Variants in SYCP1 observed in about 807,000 individuals in gnomAD.
SYCP1 encodes cancer/testis antigen 8.
In SYCP1, 64 loss-of-function variants were observed where a neutral mutation model predicts 153.1. That is an observed-to-expected ratio of 0.42 (90% CI 0.34 to 0.51). The LOEUF is 0.51. Among genes scored for constraint, SYCP1 ranks in the 20% least tolerant of loss-of-function variants. The probability of loss-of-function intolerance (pLI) is 0.06; values close to 1 mark genes in which losing one functional copy is unlikely to be tolerated. For synonymous variants in SYCP1, 384 were observed against 341.8 expected (o/e 1.12, Z -1.36); for missense variants, 997 against 1,049.0 (o/e 0.95, Z 0.68).
At chr1:114,973,089 G>C (rs1672593209) in intron 27 of SYCP1, among the ~76,000 whole-genome samples, 1 of 151,976 alleles carries the variant, frequency 6.6e-6, no homozygotes, top group African/African-American at 2.4e-5. Context: ...CTCTTGTTAT[G>C]TCACTTGCAC....
intron 25 of SYCP1, 24 bp downstream of exon 25, chr1:114,945,006 T>C (rs1276716360): frequency 1.4e-6 from 2 of 1,452,376 alleles, no homozygotes; most frequent in Admixed American, 2.3e-5. Context: ...TCTTATATAA[T>C]GAAAATTATT....
intron 16 of SYCP1, among the ~76,000 whole-genome samples, chr1:114,904,408 G>A (rs184282422): frequency 1.1e-4 from 16 of 152,098 alleles, no homozygotes; most frequent in Admixed American, 3.9e-4. Context: ...GAGCCACCTC[G>A]CCCCGCCTAG....
chr1:114,871,644 C>T (rs796481800), intron 8 of SYCP1, among the ~76,000 whole-genome samples: 44 of 152,236 alleles, frequency 2.9e-4, no homozygotes, highest in African/African-American at 1.0e-3. Context: ...ATGATCCTGG[C>T]TCACTGCAAC....
At chr1:114,943,739 C>T (rs1670525373) in intron 23 of SYCP1, among the ~76,000 whole-genome samples, 1 of 151,710 alleles carries the variant, frequency 6.6e-6, no homozygotes, top group African/African-American at 2.4e-5. Flanking sequence ...CAGTCTGATT[C>T]ATCATTATAT....
At chr1:114,985,856 T>TCTGTA (rs1018455151) in intron 30 of SYCP1, among the ~76,000 whole-genome samples, 3 of 151,444 alleles carry the variant, frequency 2.0e-5, no homozygotes, top group African/African-American at 7.3e-5. Flanking sequence ...CAGTTGGCCT[T>TCTGTA]CTGTATTCAC....
At position 114,895,462 on chromosome 1, in the gene SYCP1, C is replaced by A; in HGVS notation, c.1273C>A (p.Leu425Ile). The change falls in exon 16 of 32, where the codon CTT becomes ATT. Residue 425 changes from leucine to isoleucine, a missense_variant. Transcript: ENST00000369522. ...KSSELEEMTK[L>I]TNNKEVELEE... is the part of the protein sequence containing the mutation. ...GCTCATTTTAGAAGAGATGACTAAG[C>A]TTACAAATAACAAAGAAGTAGAACT... The A allele has an allele frequency of 1.3e-6, 2 of 1,527,248 alleles. No individual in the cohort carries two copies. Among genetic ancestry groups the A allele is most frequent in the South Asian group, 2.4e-5 (2 of 82,508 alleles). The allele number at this position is 1,527,248 out of a possible 1,614,324, so 94.6% of individuals were successfully genotyped here. A position where few individuals can be genotyped will look rare whatever the true frequency, so the allele number is the denominator to read the frequency against.
At chr1:114,962,063 C>T (rs1406679130) in intron 27 of SYCP1, among the ~76,000 whole-genome samples, 2 of 149,146 alleles carry the variant, frequency 1.3e-5, no homozygotes, top group African/African-American at 2.5e-5. Context: ...CTAAAACCTT[C>T]GCCTCCCAGG....
intron 23 of SYCP1, among the ~76,000 whole-genome samples, chr1:114,937,930 C>T (rs1249535820): frequency 6.6e-6 from 1 of 152,106 alleles, no homozygotes; most frequent in African/African-American, 2.4e-5. Flanking sequence ...GAAATAGGAA[C>T]ACTTTTACAC....
chr1:114,909,015 T>G (rs1668006741), intron 16 of SYCP1, among the ~76,000 whole-genome samples: 1 of 152,208 alleles, frequency 6.6e-6, no homozygotes, highest in Non-Finnish European at 1.5e-5. Flanking sequence ...AAAAATAAAC[T>G]TTATCTCACC....
intron 20 of SYCP1, among the ~76,000 whole-genome samples, chr1:114,921,729 C>G (rs1243000583): frequency 6.6e-6 from 1 of 151,782 alleles, no homozygotes; most frequent in Non-Finnish European, 1.5e-5. Flanking sequence ...TTACTGTTAC[C>G]AGTGAGTTGT....
intron 1 of SYCP1, 168 bp downstream of exon 1, chr1:114,855,186 A>T: frequency 5.0e-6 from 1 of 200,984 alleles, no homozygotes. Context: ...ATGGGACAGG[A>T]GAAGGGAACG....
chr1:114,909,533 C>CGT (rs1419521272), intron 16 of SYCP1, among the ~76,000 whole-genome samples: 2 of 139,132 alleles, frequency 1.4e-5, no homozygotes, highest in Non-Finnish European at 3.1e-5. Flanking sequence ...CACACACACA[C>CGT]ACGTTTATAT....
At chr1:114,961,904 TG>T (rs1458488732) in intron 27 of SYCP1, among the ~76,000 whole-genome samples, 5 of 152,102 alleles carry the variant, frequency 3.3e-5, no homozygotes, top group African/African-American at 4.8e-5. Context: ...GTTGATTTTC[TG>T]TCTTGATGAC....
At chr1:114,855,241 G>C (rs1262174532) in intron 1 of SYCP1, 200 bp from the exon 2 acceptor site, 4 of 289,170 alleles carry the variant, frequency 1.4e-5, no homozygotes, top group Non-Finnish European at 2.6e-5. Flanking sequence ...TAGGGCGAAA[G>C]GGAGAAGGAA....
chr1:114,884,919 A>T (rs529813216), intron 12 of SYCP1, among the ~76,000 whole-genome samples: 28 of 152,294 alleles, frequency 1.8e-4, no homozygotes, highest in African/African-American at 4.8e-4. Flanking sequence ...AATATAAAAC[A>T]TATAGACTAG....
At chr1:114,977,494 T>A (rs1273677464) in intron 27 of SYCP1, 63 bp from the exon 28 acceptor site, 4 of 997,820 alleles carry the variant, frequency 4.0e-6, no homozygotes, top group Non-Finnish European at 5.7e-6. Context: ...AAGATTTTGA[T>A]AATATTCATT....
intron 27 of SYCP1, 135 bp downstream of exon 27, chr1:114,947,455 C>CT (rs1385508626): frequency 4.8e-6 from 3 of 625,588 alleles, no homozygotes; most frequent in Non-Finnish European, 2.7e-6. Context: ...CCCCCAGAAG[C>CT]TTTTTTCTAG....
At chr1:114,952,156 A>G (rs1671148684) in intron 27 of SYCP1, among the ~76,000 whole-genome samples, 1 of 152,146 alleles carries the variant, frequency 6.6e-6, no homozygotes, top group South Asian at 2.1e-4. Context: ...ACCTGTTTTC[A>G]TTTTTCTGAA....
At chr1:114,943,223 A>G (rs896074852) in intron 23 of SYCP1, among the ~76,000 whole-genome samples, 16 of 151,938 alleles carry the variant, frequency 1.1e-4, no homozygotes, top group African/African-American at 3.9e-4. Flanking sequence ...AACCTGCCCT[A>G]TGACCCGGCA....
Sources: allele counts gnomAD v4.1 joint callset (sites outside exome capture counted in the v4.1 genomes callset), GRCh38; gene constraint gnomAD v4.1.1; transcripts MANE v1.5; gene names NCBI Gene and HGNC (gene_info 2026-07-23, HGNC 2026-07-21).